UTP6: variants seen among roughly 807,000 people sequenced by gnomAD.
UTP6 encodes UTP6 small subunit processome component, also known as U3 small nucleolar RNA-associated protein 6 homolog.
UTP6 carries 60 observed loss-of-function variants against 96.5 expected under a neutral mutation model. The ratio of observed to expected loss-of-function variants is 0.62; its 90% CI spans 0.51 to 0.77. UTP6 has a LOEUF of 0.77. Among genes scored for constraint, UTP6 ranks in the 30% least tolerant of loss-of-function variants. UTP6 has a pLI of 0.00. For synonymous variants in UTP6, 215 were observed against 240.1 expected, an observed-to-expected ratio of 0.90 and a Z score of 0.96; for missense variants, 637 against 706.5, an observed-to-expected ratio of 0.90 and a Z score of 1.12.
chr17:31,866,849 C>A lies in UTP6; in HGVS notation c.1563+1197G>T, dbSNP rs146335061. ...GCAGTAAACCAAGATCGCGCCACTG[C>A]ACTCCAGCCTGGGCAACAGACAGCA... On this transcript the variant is annotated intron_variant, in intron 17 of 18. Coordinates refer to ENST00000261708, the MANE Select transcript of UTP6 (RefSeq NM_018428.3). The A allele has an allele frequency of 4.0e-3, 563 of 139,364 alleles. 7 individuals carry two copies. The highest frequency in any genetic ancestry group is 0.014 in the African/African-American group (500 of 35,820). The allele number at this position is 139,364 out of a possible 1,614,324, so 8.6% of individuals were successfully genotyped here. A position where few individuals can be genotyped will look rare whatever the true frequency, so the allele number is the denominator to read the frequency against.
intron 10 of UTP6, among the ~76,000 whole-genome samples, chr17:31,883,629 T>TA (rs1358161301): frequency 6.6e-6 from 1 of 151,826 alleles, no homozygotes; most frequent in Non-Finnish European, 1.5e-5. Context: ...TTTTTTTTTT[T>TA]ATTGAATAAA....
intron 8 of UTP6, among the ~76,000 whole-genome samples, chr17:31,886,267 T>C (rs1186957697): frequency 6.6e-6 from 1 of 151,984 alleles, no homozygotes; most frequent in African/African-American, 2.4e-5. Flanking sequence ...GCTCCAAGAG[T>C]GGTGGCAAGA....
chr17:31,887,230 C>T lies in UTP6; in HGVS notation c.621+6G>A, dbSNP rs1567788671. 6.2e-7 allele frequency: 1 copy of T among 1,612,776 alleles called. No individual in the cohort carries two copies. Among genetic ancestry groups the T allele is most frequent in the Admixed American group, 1.7e-5 (1 of 60,000 alleles). ...GCAAGTGAGAATAAAATAATTAGAA[C>T]CTTACCACATCCATACTGGCTTTTT... On this transcript the variant is annotated splice_donor_region_variant and intron_variant, in intron 8 of 18. Transcript: ENST00000261708.
chr17:31,892,229 CAT>C lies in UTP6; in HGVS notation c.424+29_424+30del, dbSNP rs529284144. On this transcript the variant is annotated intron_variant, in intron 6 of 18. Transcript: ENST00000261708. ...CAAAATGGCTTGAGTCTAAATAAAA[CAT>C]AGAAAAATTGACAAAGATTTCACCA... 1.3e-3 allele frequency: 2,113 copies of C among 1,610,594 alleles called. 1 individual carries two copies. The highest frequency in any genetic ancestry group is 1.6e-3 in the Non-Finnish European group (1,940 of 1,177,526).
chr17:31,899,097 T>G (rs1904822391), intron 2 of UTP6, among the ~76,000 whole-genome samples: 3 of 152,012 alleles, frequency 2.0e-5, no homozygotes. Context: ...ATCCCAGCAT[T>G]TTGGGCGTGG....
chr17:31,899,529 T>C, intron 2 of UTP6, 117 bp downstream of exon 2: 1 of 622,188 alleles, frequency 1.6e-6, no homozygotes, highest in South Asian at 2.8e-5. Context: ...GAGGTTGCAG[T>C]GAGCAGAGAT....
Position 31,875,231 on chromosome 17 carries a change from GACCTGGGGTTTCAGGTGC to G in UTP6, c.1290_1305+2del. The stretch of plus-strand genomic sequence containing the variant: ...ATGAATACAAAAGATCCAGCTCACT[GACCTGGGGTTTCAGGTGC>G]ACAAAGGCTTCTTCAAAAAGCATGG... On this transcript the variant is annotated splice_donor_variant and coding_sequence_variant, in exon 14 of 19. Transcript: ENST00000261708. LOFTEE classifies it high-confidence loss of function. The G allele has an allele frequency of 6.2e-7, 1 of 1,613,812 alleles. No individual in the cohort carries two copies. Among genetic ancestry groups the G allele is most frequent in the Non-Finnish European group, 8.5e-7 (1 of 1,179,946 alleles).
chr17:31,897,837 A>G (rs1455718271), intron 2 of UTP6, among the ~76,000 whole-genome samples: 1 of 152,056 alleles, frequency 6.6e-6, no homozygotes, highest in Non-Finnish European at 1.5e-5. Context: ...ATTCTCCCCC[A>G]CTGGAAAATT....
chr17:31,876,749 C>T (rs549061245), intron 13 of UTP6, among the ~76,000 whole-genome samples: 11 of 152,226 alleles, frequency 7.2e-5, no homozygotes, highest in Admixed American at 7.2e-4. Flanking sequence ...CAGTGGCTCA[C>T]GCCTGTAATC....
chr17:31,893,443 A>G (rs1904449056), intron 4 of UTP6, among the ~76,000 whole-genome samples: 1 of 151,222 alleles, frequency 6.6e-6, no homozygotes, highest in Non-Finnish European at 1.5e-5. Flanking sequence ...AAAAAAAAAA[A>G]AAAAAAAGCC....
intron 13 of UTP6, 138 bp from the exon 14 acceptor site, chr17:31,875,551 G>T: frequency 9.7e-7 from 1 of 1,032,814 alleles, no homozygotes; most frequent in Non-Finnish European, 1.4e-6. Flanking sequence ...GAGGCCAGGT[G>T]TGGTGGCTCA....
rs1434109058 is a variant in UTP6 at position 31,861,493 on chromosome 17, G to C, written c.*1866C>G. 1 of 151,868 alleles carries C rather than the reference G, an allele frequency of 6.6e-6. No homozygotes were observed. Among genetic ancestry groups the C allele is most frequent in the Non-Finnish European group, 1.5e-5 (1 of 68,004 alleles). 9.4% of individuals were successfully genotyped at this position (151,868 alleles called of 1,614,324 possible). ...TAACCAGGCATGGTGGTGTGCACCTGCAGTCCCAGCTACTCAAGAGGCTGA... is the reference window on the plus strand; with the variant it reads ...TAACCAGGCATGGTGGTGTGCACCTCCAGTCCCAGCTACTCAAGAGGCTGA... On this transcript the variant is annotated 3_prime_UTR_variant, in exon 19 of 19. Transcript: ENST00000261708.
At chr17:31,868,325 G>GTTTTTTTTTTT (rs33960994) in intron 16 of UTP6, among the ~76,000 whole-genome samples, 18 of 90,494 alleles carry the variant, frequency 2.0e-4, no homozygotes, top group Non-Finnish European at 2.6e-4. Context: ...TAGTTTTTTG[G>GTTTTTTTTTTT]TTTTTTTTTT....
At chr17:31,879,896 A>C (rs1910722080) in intron 11 of UTP6, among the ~76,000 whole-genome samples, 1 of 151,984 alleles carries the variant, frequency 6.6e-6, no homozygotes, top group Non-Finnish European at 1.5e-5. Flanking sequence ...ACCTGAGGTC[A>C]GGAGTTCAAG....
chr17:31,878,274 C>T lies in UTP6; in HGVS notation c.1101G>A (p.Leu367=), dbSNP rs752381434. 6.2e-7 allele frequency: 1 copy of T among 1,614,178 alleles called. No homozygotes were observed. Among genetic ancestry groups the T allele is most frequent in the African/African-American group, 1.3e-5 (1 of 75,054 alleles). The change falls in exon 13 of 19, where the codon CTG becomes CTA. Residue 367 remains leucine, a synonymous_variant. Coordinates refer to ENST00000261708, the MANE Select transcript of UTP6 (RefSeq NM_018428.3). Reference sequence around the variant, plus strand: ...CCAACTGCTTGTATTGGCATTCTGACAGAAGCTTCAGTTCATGTGCCTTCC... The same window carrying T: ...CCAACTGCTTGTATTGGCATTCTGATAGAAGCTTCAGTTCATGTGCCTTCC... ...VFRKAHELKL[L]SECQYKQLSV...
chr17:31,865,309 A>G (rs1909752795), intron 18 of UTP6, 57 bp downstream of exon 18: 1 of 1,570,668 alleles, frequency 6.4e-7, no homozygotes, highest in Non-Finnish European at 8.8e-7. Flanking sequence ...CACTGTACTC[A>G]GCCAAGAAAC....
chr17:31,895,157 T>G, intron 2 of UTP6, 146 bp from the exon 3 acceptor site: 1 of 609,282 alleles, frequency 1.6e-6, no homozygotes, highest in Non-Finnish European at 2.7e-6. Flanking sequence ...AATAAATGTC[T>G]AGAACTCACT....
At chr17:31,892,850 C>G in intron 4 of UTP6, 56 bp from the exon 5 acceptor site, 1 of 1,602,462 alleles carries the variant, frequency 6.2e-7, no homozygotes. Flanking sequence ...ATATAATACA[C>G]CTTTGCATTA....
At chr17:31,894,918 A>T in intron 3 of UTP6, 52 bp downstream of exon 3, 1 of 1,464,090 alleles carries the variant, frequency 6.8e-7, no homozygotes, top group South Asian at 1.2e-5. Context: ...CTATACAGCC[A>T]TACTGCTTAG....
Sources: gnomAD v4.1 joint callset for allele counts (sites outside exome capture counted in the v4.1 genomes callset) on GRCh38, gnomAD v4.1.1 for gene constraint, MANE v1.5 for transcripts, NCBI Gene and HGNC (gene_info 2026-07-23, HGNC 2026-07-21) for gene names.